The following SCN8A variants were observed in gnomAD, a reference collection of about 807,000 sequenced individuals.
SCN8A encodes sodium channel protein type 8 subunit alpha.
In SCN8A, 30 loss-of-function variants were observed where a neutral mutation model predicts 184.1. That is an observed-to-expected ratio of 0.16 (90% CI 0.12 to 0.22). SCN8A has a LOEUF of 0.22. SCN8A is among the 10% of genes least tolerant of loss of function. The pLI is 1.00. For synonymous variants in SCN8A, 852 were observed against 907.0 expected, an observed-to-expected ratio of 0.94 and a Z score of 1.09; for missense variants, 1,057 against 2,498.9, an observed-to-expected ratio of 0.42 and a Z score of 12.30.
chr12:51,639,928 C>A lies in SCN8A; in HGVS notation c.-54-22836C>A, dbSNP rs139410898. On this transcript the variant is annotated intron_variant, in intron 1 of 26. Coordinates refer to ENST00000627620, the MANE Select transcript of SCN8A (RefSeq NM_001330260.2). The stretch of plus-strand genomic sequence containing the variant: ...TTTTTTTTTTTTTTTGAGATGGGGT[C>A]TCAGCTTGTTGCCCAGGCTAGCAGG... 1.3e-4 allele frequency among the ~76,000 whole-genome samples: 8 copies of A among 63,678 alleles called. No individual in the cohort carries two copies. The South Asian group carries it at 4.7e-3, about 38-fold the overall frequency. The allele number at this position is 63,678 out of a possible 152,430, so 41.8% of individuals were successfully genotyped here.
chr12:51,795,817 G>T (rs578230548), intron 26 of SCN8A, among the ~76,000 whole-genome samples: 1 of 151,834 alleles, frequency 6.6e-6, no homozygotes, highest in Non-Finnish European at 1.5e-5. Flanking sequence ...AGGCAAGGCG[G>T]GCAGACAACT....
intron 12 of SCN8A, among the ~76,000 whole-genome samples, chr12:51,730,358 T>C (rs1261012250): frequency 6.6e-6 from 1 of 152,244 alleles, no homozygotes; most frequent in Non-Finnish European, 1.5e-5. Context: ...GGTCTATTTC[T>C]GGACTCTGTT....
chr12:51,726,629 T>C (rs927667622), intron 12 of SCN8A, among the ~76,000 whole-genome samples: 1 of 152,210 alleles, frequency 6.6e-6, no homozygotes, highest in Non-Finnish European at 1.5e-5. Flanking sequence ...GGACCTCTGT[T>C]ATAGGGCTAT....
intron 21 of SCN8A, 111 bp downstream of exon 21, chr12:51,780,882 G>T (rs573837773): frequency 1.6e-6 from 2 of 1,266,210 alleles, no homozygotes; most frequent in African/African-American, 3.1e-5. Flanking sequence ...CTGTGATGCA[G>T]CTGCTGATTT....
intron 1 of SCN8A, among the ~76,000 whole-genome samples, chr12:51,634,759 T>G (rs927652060): frequency 1.3e-5 from 2 of 151,484 alleles, no homozygotes; most frequent in African/African-American, 4.8e-5. Context: ...AGCGATTCTC[T>G]GGCCTCAGTC....
At chr12:51,759,414 C>T (rs1463526801) in intron 14 of SCN8A, among the ~76,000 whole-genome samples, 1 of 152,166 alleles carries the variant, frequency 6.6e-6, no homozygotes, top group East Asian at 1.9e-4. Flanking sequence ...GTTTATACAG[C>T]ATGGATACAC....
chr12:51,758,699 A>G (rs948131373), intron 14 of SCN8A, among the ~76,000 whole-genome samples: 6 of 152,142 alleles, frequency 3.9e-5, no homozygotes, highest in African/African-American at 1.4e-4. Context: ...GGGCATTCCA[A>G]AGTGCTGGGA....
Position 51,751,473 on chromosome 12 carries a change from T to C in SCN8A, c.2250T>C (p.Val750=), listed in dbSNP as rs1018159292. ...IKLKEIVNLI[V]MDPFVDLAIT... ...TGAAAGAGATTGTGAACTTGATAGTTATGGACCCTTTTGTGGATTTAGCCA... is the reference window on the plus strand; with the variant it reads ...TGAAAGAGATTGTGAACTTGATAGTCATGGACCCTTTTGTGGATTTAGCCA... Residue 750 remains valine (V), a synonymous_variant, in exon 14 of 27, where the codon GTT becomes GTC. Coordinates refer to ENST00000627620, the MANE Select transcript of SCN8A (RefSeq NM_001330260.2). 2 of 1,613,788 alleles carry C rather than the reference T, an allele frequency of 1.2e-6. No individual in the cohort carries two copies. The highest frequency in any genetic ancestry group is 2.7e-5 in the African/African-American group (2 of 74,910).
At chr12:51,785,331 A>C (rs776588921) in intron 21 of SCN8A, among the ~76,000 whole-genome samples, 1 of 152,246 alleles carries the variant, frequency 6.6e-6, no homozygotes, top group Non-Finnish European at 1.5e-5. Flanking sequence ...TGTCAGATCT[A>C]GAAGAGATTT....
chr12:51,686,524 C>A, intron 4 of SCN8A, 67 bp downstream of exon 4: 1 of 1,073,682 alleles, frequency 9.3e-7, no homozygotes, highest in Non-Finnish European at 1.4e-6. Context: ...TCTTGCTTTG[C>A]CACAGTTTAC....
intron 1 of SCN8A, among the ~76,000 whole-genome samples, chr12:51,611,882 A>G (rs188963687): frequency 1.3e-5 from 2 of 152,310 alleles, no homozygotes; most frequent in Non-Finnish European, 2.9e-5. Flanking sequence ...GTGAACTTGT[A>G]TCTTACAACC....
rs773875275 is a variant in SCN8A, at chr12:51,706,657, G to A, written c.1577G>A (p.Arg526Lys). 5 of 1,602,446 alleles carry A rather than the reference G, an allele frequency of 3.1e-6. No individual in the cohort carries two copies. In the East Asian group the frequency reaches 8.9e-5, roughly 29 times the overall value. ...FKSESEDGMR[R>K]KAFRLPDNRI... The stretch of plus-strand genomic sequence containing the variant: ...TCAGAGTCAGAAGATGGCATGAGAA[G>A]GAAGGCCTTTCGGCTGCCAGACAAC... The change falls in exon 11 of 27, where the codon AGG becomes AAG. Residue 526 changes from arginine (R) to lysine (K), a missense_variant. Physicochemically the swap from Arg to Lys is conservative, Grantham distance 26. This residue lies in a region of SCN8A where 322 missense variants were observed against 390.1 expected (regional missense o/e 0.83). Coordinates refer to ENST00000627620, the MANE Select transcript of SCN8A (RefSeq NM_001330260.2).
intron 14 of SCN8A, among the ~76,000 whole-genome samples, chr12:51,757,383 C>T (rs1025198366): frequency 2.0e-5 from 3 of 151,766 alleles, no homozygotes; most frequent in East Asian, 1.9e-4. Flanking sequence ...TAACTTTGGG[C>T]GAGGATCTAC....
In SCN8A at chr12:51,734,299, G is replaced by A. The variant is rs533532471; in HGVS notation, c.1999-11604G>A. 7.2e-5 allele frequency among the ~76,000 whole-genome samples: 11 copies of A among 152,266 alleles called. 1 individual carries two copies. In the South Asian group the frequency reaches 2.3e-3, roughly 32 times the overall value. ...AGAGGTGTGAAGTGGGAAATCAGGG[G>A]TCTCACAGCCTTCAGAGCTGAGAGC... On this transcript the variant is annotated intron_variant, in intron 12 of 26. Coordinates refer to ENST00000627620, the MANE Select transcript of SCN8A (RefSeq NM_001330260.2).
intron 12 of SCN8A, chr12:51,722,339 A>C: frequency 5.0e-6 from 1 of 199,922 alleles, no homozygotes; most frequent in Non-Finnish European, 1.0e-5. Flanking sequence ...GGATGGAATG[A>C]GAATGCCATG....
chr12:51,712,766 G>A (rs1180816790), intron 11 of SCN8A: 21 of 1,172,366 alleles, frequency 1.8e-5, no homozygotes, highest in Non-Finnish European at 2.4e-5. Flanking sequence ...CTATAACCAG[G>A]ACCACCAGCA....
intron 2 of SCN8A, among the ~76,000 whole-genome samples, chr12:51,672,830 A>T (rs2138688096): frequency 6.6e-6 from 1 of 152,344 alleles, no homozygotes; most frequent in Middle Eastern, 3.4e-3. Context: ...GGGATATCTC[A>T]GTATAATGAT....
chr12:51,600,985 C>G (rs1280602299), intron 1 of SCN8A, among the ~76,000 whole-genome samples: 2 of 152,204 alleles, frequency 1.3e-5, no homozygotes, highest in South Asian at 2.1e-4. Flanking sequence ...ATAAATTTAG[C>G]ACTCTATTTA....
intron 21 of SCN8A, 46 bp from the exon 22 acceptor site, chr12:51,786,496 G>C: frequency 3.1e-6 from 5 of 1,604,764 alleles, no homozygotes; most frequent in Non-Finnish European, 4.3e-6. Context: ...AAATGTGCTT[G>C]CTCTCATTTC....
Sources: allele counts gnomAD v4.1 joint callset (sites outside exome capture counted in the v4.1 genomes callset), GRCh38; gene constraint gnomAD v4.1.1; regional missense constraint gnomAD v4.1.1; transcripts MANE v1.5; gene names NCBI Gene and HGNC (gene_info 2026-07-23, HGNC 2026-07-21).